Variants in FSTL5 observed in about 807,000 individuals in gnomAD.
FSTL5 encodes follistatin-related protein 5.
A neutral mutation model predicts 89.1 loss-of-function variants in FSTL5; 62 were observed. That is an observed-to-expected ratio of 0.70 (90% CI 0.57 to 0.86). The LOEUF is 0.86. Among genes scored for constraint, FSTL5 ranks in the 40% least tolerant of loss-of-function variants. FSTL5 has a pLI of 0.00. For missense variants in FSTL5, 1,057 were observed against 1,001.6 expected (o/e 1.06, Z -0.75); for synonymous variants, 383 against 346.2 (o/e 1.11, Z -1.18).
In FSTL5 at chr4:162,096,231, A is replaced by C. The variant is rs1019468110; in HGVS notation, c.126+15040T>G. 3.3e-5 allele frequency among the ~76,000 whole-genome samples: 5 copies of C among 151,946 alleles called. No homozygotes were observed. The East Asian group carries it at 9.6e-4, about 29-fold the overall frequency. ...TTTGTTGCAAGTCTTCATCCTTCAA[A>C]GACTTGATTCATGGAACTAGCTAAA... is the stretch of plus-strand genomic sequence containing the variant. On this transcript the variant is annotated intron_variant, in intron 2 of 15. Coordinates refer to ENST00000306100, the MANE Select transcript of FSTL5 (RefSeq NM_020116.5).
intron 14 of FSTL5, among the ~76,000 whole-genome samples, chr4:161,456,906 T>C (rs564264878): frequency 2.0e-5 from 3 of 152,116 alleles, no homozygotes; most frequent in Non-Finnish European, 4.4e-5. Flanking sequence ...CAGGGGAAGA[T>C]TTTCATACAT....
intron 8 of FSTL5, among the ~76,000 whole-genome samples, chr4:161,548,082 T>C (rs1732064891): frequency 6.6e-6 from 1 of 151,894 alleles, no homozygotes; most frequent in African/African-American, 2.4e-5. Context: ...CCTTTAGTTA[T>C]TATTGCCTCT....
rs150393285 is a variant in FSTL5 at position 162,041,602 on chromosome 4, G to T, written c.127-7944C>A. ...TCATTCCAATGCTAAAATTGTAGTT[G>T]CTTCTTATTGTATATTCATATTGTA... is the stretch of plus-strand genomic sequence containing the variant. On this transcript the variant is annotated intron_variant, in intron 2 of 15. Transcript: ENST00000306100. 2.7e-3 allele frequency among the ~76,000 whole-genome samples: 408 copies of T among 152,048 alleles called. 2 individuals are homozygous for T. Among genetic ancestry groups the T allele is most frequent in the African/African-American group, 9.5e-3 (393 of 41,482 alleles).
intron 7 of FSTL5, among the ~76,000 whole-genome samples, chr4:161,619,066 C>T (rs1350896425): frequency 2.0e-5 from 3 of 151,960 alleles, no homozygotes; most frequent in Non-Finnish European, 4.4e-5. Flanking sequence ...CTTTGACAAA[C>T]CTGAGAAAAA....
chr4:161,968,541 C>T (rs1023227755), intron 3 of FSTL5, among the ~76,000 whole-genome samples: 1 of 151,980 alleles, frequency 6.6e-6, no homozygotes, highest in East Asian at 1.9e-4. Context: ...GGACAGAACT[C>T]CACCATTTAA....
intron 7 of FSTL5, among the ~76,000 whole-genome samples, chr4:161,595,510 C>G (rs1357477571): frequency 6.6e-6 from 1 of 151,918 alleles, no homozygotes; most frequent in African/African-American, 2.4e-5. Context: ...GAGTTGATTG[C>G]TTATATATTT....
At chr4:161,688,824 G>A (rs1372643355) in intron 6 of FSTL5, among the ~76,000 whole-genome samples, 1 of 151,936 alleles carries the variant, frequency 6.6e-6, no homozygotes. Context: ...TATTCCCCTT[G>A]AAACCAACAG....
At chr4:161,928,558 G>A (rs1342402619) in intron 3 of FSTL5, among the ~76,000 whole-genome samples, 3 of 151,720 alleles carry the variant, frequency 2.0e-5, no homozygotes, top group Non-Finnish European at 4.4e-5. Flanking sequence ...GTTTTTCGTT[G>A]TTCTATATCC....
chr4:161,862,154 C>G (rs732225), intron 4 of FSTL5, among the ~76,000 whole-genome samples: 33,212 of 152,084 alleles, frequency 0.22, 3,895 homozygotes, highest in African/African-American at 0.3. Flanking sequence ...ATATTGTTTA[C>G]TAACTTGTGA....
Position 161,467,917 on chromosome 4 carries a change from A to G in FSTL5, c.1609-8598T>C, listed in dbSNP as rs150357521. ...CATATATATAAAGCTTGAGGTAGTT[A>G]TCTACAGTCAACAACATGCCTCAAA... On this transcript the variant is annotated intron_variant, in intron 13 of 15. Transcript: ENST00000306100. 7.7e-3 allele frequency among the ~76,000 whole-genome samples: 1,169 copies of G among 152,238 alleles called. 12 individuals are homozygous for G. The highest frequency in any genetic ancestry group is 0.026 in the African/African-American group (1,089 of 41,556).
In FSTL5 at chr4:161,480,458, G is replaced by A. The variant is rs542493060; in HGVS notation, c.1608+562C>T. ...AAGAGCATGGGCTGCAGCAGTCAGTGGCTCAAACTTGAAGTATGAATTCAG... is the reference window on the plus strand; with the variant it reads ...AAGAGCATGGGCTGCAGCAGTCAGTAGCTCAAACTTGAAGTATGAATTCAG... On this transcript the variant is annotated intron_variant, in intron 13 of 15. Transcript: ENST00000306100. 2.7e-4 allele frequency among the ~76,000 whole-genome samples: 41 copies of A among 152,268 alleles called. No individual in the cohort carries two copies. In the South Asian group the frequency reaches 8.3e-3, roughly 31 times the overall value.
chr4:161,588,519 C>T (rs13133118), intron 7 of FSTL5, among the ~76,000 whole-genome samples: 26,242 of 151,836 alleles, frequency 0.17, 2,364 homozygotes, highest in Middle Eastern at 0.32. Context: ...AAACTTGCAC[C>T]GTTAAAATCA....
At chr4:161,833,325 T>C (rs1282027283) in intron 4 of FSTL5, among the ~76,000 whole-genome samples, 1 of 151,844 alleles carries the variant, frequency 6.6e-6, no homozygotes, top group Non-Finnish European at 1.5e-5. Context: ...TTGGAATAGG[T>C]GTGGTGTGGT....
chr4:162,108,032 T>C (rs1455731807), intron 2 of FSTL5, among the ~76,000 whole-genome samples: 2 of 152,098 alleles, frequency 1.3e-5, no homozygotes, highest in Non-Finnish European at 1.5e-5. Flanking sequence ...AAAATCCACT[T>C]TTGGAATTTG....
intron 3 of FSTL5, among the ~76,000 whole-genome samples, chr4:161,926,690 C>T (rs763373359): frequency 5.3e-5 from 8 of 151,760 alleles, no homozygotes; most frequent in Non-Finnish European, 1.2e-4. Flanking sequence ...TTTCCAACCT[C>T]AATGCTTAAA....
chr4:161,661,810 G>A (rs1277207148), intron 6 of FSTL5, among the ~76,000 whole-genome samples: 2 of 152,060 alleles, frequency 1.3e-5, no homozygotes, highest in African/African-American at 4.8e-5. Context: ...GGTAACAATG[G>A]ACTGGATAAA....
At chr4:161,427,772 TA>T (rs1236355474) in intron 15 of FSTL5, among the ~76,000 whole-genome samples, 1 of 152,102 alleles carries the variant, frequency 6.6e-6, no homozygotes, top group Non-Finnish European at 1.5e-5. Flanking sequence ...TGACAAATGG[TA>T]CACAGAAACA....
At position 161,660,321 on chromosome 4, in the gene FSTL5, G is replaced by A. The variant is rs542073117; in HGVS notation, c.728-3827C>T. On this transcript the variant is annotated intron_variant, in intron 6 of 15. Coordinates refer to ENST00000306100, the MANE Select transcript of FSTL5 (RefSeq NM_020116.5). ...CTTGCTTTAAAGGAATGAAATATTT[G>A]AAGTGTCTGCTAGAAGAATCTGAAG... Among the ~76,000 whole-genome samples the A allele has an allele frequency of 3.3e-5, 5 of 152,226 alleles. No individual in the cohort carries two copies. In the South Asian group the frequency reaches 1.0e-3, roughly 32 times the overall value.
intron 8 of FSTL5, among the ~76,000 whole-genome samples, chr4:161,573,503 C>A (rs1236407522): frequency 6.7e-6 from 1 of 150,166 alleles, no homozygotes; most frequent in African/African-American, 2.4e-5. Context: ...CTTTGGGAGG[C>A]CGAGGGTGGA....
Sources: allele counts gnomAD v4.1 joint callset (sites outside exome capture counted in the v4.1 genomes callset), GRCh38; gene constraint gnomAD v4.1.1; transcripts MANE v1.5; gene names NCBI Gene and HGNC (gene_info 2026-07-23, HGNC 2026-07-21).